The following CTNNA3 variants were observed in gnomAD, a reference collection of about 807,000 sequenced individuals.
CTNNA3 encodes the protein catenin alpha 3.
A neutral mutation model predicts 95.7 loss-of-function variants in CTNNA3; 76 were observed. The observed-to-expected ratio is 0.79, with a 90% confidence interval of 0.66 to 0.96. The LOEUF (loss-of-function observed/expected upper bound fraction) is 0.96. Among genes scored for constraint, CTNNA3 ranks in the 40% least tolerant of loss-of-function variants. CTNNA3 has a pLI of 0.00. For missense variants in CTNNA3, 1,191 were observed against 1,089.8 expected (o/e 1.09, Z -1.31); for synonymous variants, 431 against 374.4 (o/e 1.15, Z -1.74).
chr10:67,447,567 C>T (rs1846802822), intron 5 of CTNNA3, among the ~76,000 whole-genome samples: 1 of 152,166 alleles, frequency 6.6e-6, no homozygotes, highest in African/African-American at 2.4e-5. Context: ...GAACATTCCC[C>T]ACCACTACCA....
chr10:66,496,074 T>C (rs1165426010), intron 11 of CTNNA3, among the ~76,000 whole-genome samples: 1 of 152,182 alleles, frequency 6.6e-6, no homozygotes, highest in Non-Finnish European at 1.5e-5. Flanking sequence ...TAAAAAGATA[T>C]TATTTTTATT....
intron 13 of CTNNA3, among the ~76,000 whole-genome samples, chr10:66,169,899 T>A (rs1234037248): frequency 6.6e-6 from 1 of 152,184 alleles, no homozygotes; most frequent in Non-Finnish European, 1.5e-5. Flanking sequence ...TTTGTTTGAG[T>A]TCCATAGATT....
At chr10:66,710,563 C>G (rs1037926115) in intron 9 of CTNNA3, among the ~76,000 whole-genome samples, 40 of 151,748 alleles carry the variant, frequency 2.6e-4, no homozygotes, top group African/African-American at 9.7e-4. Context: ...AAGAATTAGC[C>G]TATCTTTGTG....
chr10:65,945,160 G>GTATA (rs60008851), intron 17 of CTNNA3, among the ~76,000 whole-genome samples: 1,464 of 146,168 alleles, frequency 0.01, 25 homozygotes, highest in African/African-American at 0.036. Flanking sequence ...GTGTGTGTGT[G>GTATA]TATATATATA....
rs534064572 is a variant in CTNNA3 at position 67,331,471 on chromosome 10, G to A, written c.580-111601C>T. On this transcript the variant is annotated intron_variant, in intron 5 of 17. Coordinates refer to ENST00000433211, the MANE Select transcript of CTNNA3 (RefSeq NM_013266.4). ...TTTTTTATTTTTGCTCCCAAATGTT[G>A]TCTAGTCATAGTATTGTGAGAATCA... 7.1e-4 allele frequency among the ~76,000 whole-genome samples: 108 copies of A among 151,440 alleles called. 1 individual carries two copies. Among genetic ancestry groups the A allele is most frequent in the African/African-American group, 2.5e-3 (104 of 41,308 alleles).
chr10:66,045,145 A>G (rs1296869562), intron 15 of CTNNA3, among the ~76,000 whole-genome samples: 1 of 152,212 alleles, frequency 6.6e-6, no homozygotes, highest in Non-Finnish European at 1.5e-5. Context: ...AACAACAACT[A>G]CAAATATTAC....
Position 66,927,668 on chromosome 10 carries a change from C to T in CTNNA3, c.1048-152144G>A. The T allele has an allele frequency of 6.2e-7, 1 of 1,614,154 alleles. No homozygotes were observed. Among genetic ancestry groups the T allele is most frequent in the South Asian group, 1.1e-5 (1 of 91,082 alleles). On this transcript the variant is annotated intron_variant, in intron 7 of 17. Coordinates refer to ENST00000433211, the MANE Select transcript of CTNNA3 (RefSeq NM_013266.4). The surrounding 1 kb of genome is among the most constrained non-coding windows in gnomAD (Gnocchi z 4.7). ...GTCATAGGACAGACCATGTCCTGGA[C>T]CTGGAGCTCCTTACAAAGGCTTGAT...
rs945847828 is a variant in CTNNA3, at chr10:67,153,394, T to C, written c.1047+26923A>G. Among the ~76,000 whole-genome samples the C allele has an allele frequency of 2.0e-4, 30 of 152,240 alleles. 1 individual carries two copies. Among genetic ancestry groups the C allele is most frequent in the African/African-American group, 7.2e-4 (30 of 41,460 alleles). ...TTTTAAGCCTCTCATGTGATAATAA[T>C]GTGCAGCCAGGATTGAAAATCACAA... On this transcript the variant is annotated intron_variant, in intron 7 of 17. Coordinates refer to ENST00000433211, the MANE Select transcript of CTNNA3 (RefSeq NM_013266.4).
At chr10:66,271,539 A>C (rs2132131339) in intron 13 of CTNNA3, among the ~76,000 whole-genome samples, 1 of 152,324 alleles carries the variant, frequency 6.6e-6, no homozygotes, top group South Asian at 2.1e-4. Flanking sequence ...CACTTAACAA[A>C]AAGCAAACCA....
At chr10:66,023,405 A>G (rs61858367) in intron 15 of CTNNA3, among the ~76,000 whole-genome samples, 2 of 143,992 alleles carry the variant, frequency 1.4e-5, no homozygotes, top group Non-Finnish European at 3.1e-5. Flanking sequence ...AAACAGAGAG[A>G]GGGAGAGAGA....
At chr10:66,185,581 A>G (rs10996960) in intron 13 of CTNNA3, among the ~76,000 whole-genome samples, 27,078 of 152,070 alleles carry the variant, frequency 0.18, 2,882 homozygotes, top group South Asian at 0.4. Flanking sequence ...TTTTATTCAC[A>G]GAGAAGCTTG....
rs900252958 is a variant in CTNNA3, at chr10:65,996,541, A to G, written c.2160-7744T>C. On this transcript the variant is annotated intron_variant, in intron 15 of 17. Coordinates refer to ENST00000433211, the MANE Select transcript of CTNNA3 (RefSeq NM_013266.4). The stretch of plus-strand genomic sequence containing the variant: ...AGTCTGGTTTGGGCCACATTCTCAT[A>G]ATGACACTGTGCTACAACTGCTTAG... 3.3e-5 allele frequency among the ~76,000 whole-genome samples: 5 copies of G among 152,092 alleles called. No homozygotes were observed. In the East Asian group the frequency reaches 5.8e-4, roughly 18 times the overall value.
chr10:67,148,177 C>T (rs1052997279), intron 7 of CTNNA3, among the ~76,000 whole-genome samples: 2 of 152,146 alleles, frequency 1.3e-5, no homozygotes, highest in Non-Finnish European at 2.9e-5. Context: ...GGATTTAGGA[C>T]ATACATACAC....
At chr10:67,711,657 T>C (rs1290841548) in intron 1 of CTNNA3, among the ~76,000 whole-genome samples, 1 of 151,790 alleles carries the variant, frequency 6.6e-6, no homozygotes, top group African/African-American at 2.4e-5. Context: ...TATGTATACA[T>C]GTGCCATGCT....
chr10:66,599,885 G>C (rs941981258), intron 10 of CTNNA3, among the ~76,000 whole-genome samples: 17 of 151,918 alleles, frequency 1.1e-4, no homozygotes, highest in Admixed American at 6.6e-5. Context: ...GACAGAGTAA[G>C]TGTACATTCT....
At chr10:66,851,493 A>T (rs1416739652) in intron 7 of CTNNA3, among the ~76,000 whole-genome samples, 1 of 151,944 alleles carries the variant, frequency 6.6e-6, no homozygotes, top group Non-Finnish European at 1.5e-5. Context: ...GCCTGGTGGG[A>T]TGTGGTTGGA....
intron 1 of CTNNA3, among the ~76,000 whole-genome samples, chr10:67,676,855 C>G (rs1434242207): frequency 6.6e-6 from 1 of 152,152 alleles, no homozygotes; most frequent in Non-Finnish European, 1.5e-5. Context: ...TCAGGAGGGC[C>G]TTCCAGTCAG....
At chr10:66,355,283 AT>A (rs1189536043) in intron 12 of CTNNA3, among the ~76,000 whole-genome samples, 1 of 152,128 alleles carries the variant, frequency 6.6e-6, no homozygotes, top group Admixed American at 6.6e-5. Context: ...GGAAGTCACT[AT>A]TTCATGGATC....
At chr10:67,460,489 C>CA (rs1393472765) in intron 5 of CTNNA3, among the ~76,000 whole-genome samples, 3 of 151,762 alleles carry the variant, frequency 2.0e-5, no homozygotes, top group South Asian at 2.1e-4. Context: ...CTACCAATCT[C>CA]AAAAAAAGAG....
Sources: gnomAD v4.1 joint callset for allele counts (sites outside exome capture counted in the v4.1 genomes callset) on GRCh38, gnomAD v4.1.1 for gene constraint, Gnocchi (gnomAD v3.1) non-coding constraint, MANE v1.5 for transcripts, NCBI Gene and HGNC (gene_info 2026-07-23, HGNC 2026-07-21) for gene names.